Variants in EDARADD observed in about 807,000 individuals in gnomAD.
The protein encoded by EDARADD is EDAR associated via death domain, also known as ectodysplasin-A receptor-associated adapter protein.
Under a neutral mutation model 25.6 loss-of-function variants are expected in EDARADD, and 20 were observed. The ratio of observed to expected loss-of-function variants is 0.78; its 90% CI spans 0.55 to 1.14. The LOEUF (loss-of-function observed/expected upper bound fraction) is 1.14. Ranked by LOEUF, EDARADD falls within the 50% of genes most tolerant of loss-of-function variation. The pLI is 0.00. For synonymous variants in EDARADD, 86 were observed against 94.4 expected, an observed-to-expected ratio of 0.91 and a Z score of 0.52; for missense variants, 225 against 270.1, an observed-to-expected ratio of 0.83 and a Z score of 1.17.
chr1:236,390,172 GA>G (rs1327778709), upstream of EDARADD, among the ~76,000 whole-genome samples: 2 of 152,156 alleles, frequency 1.3e-5, no homozygotes, highest in African/African-American at 4.8e-5. Flanking sequence ...GGAAGAGTGG[GA>G]GGGGGCAAGG....
chr1:236,409,214 A>G lies in EDARADD; in HGVS notation c.62-2A>G. ...ATTTGTTTGTTTTTGTTCTTTTTACAGATCATATGGTAAAGGAACCAGTGG... is the reference window on the plus strand; with the variant it reads ...ATTTGTTTGTTTTTGTTCTTTTTACGGATCATATGGTAAAGGAACCAGTGG... On this transcript the variant is annotated splice_acceptor_variant, in intron 1 of 5. Coordinates refer to ENST00000334232, the MANE Select transcript of EDARADD (RefSeq NM_145861.4). LOFTEE classifies it high-confidence loss of function. The G allele has an allele frequency of 6.2e-7, 1 of 1,608,992 alleles. No individual in the cohort carries two copies. The highest frequency in any genetic ancestry group is 8.5e-7 in the Non-Finnish European group (1 of 1,177,680).
At chr1:236,437,620 G>A (rs650876) in intron 4 of EDARADD, among the ~76,000 whole-genome samples, 112,465 of 151,884 alleles carry the variant, frequency 0.74, 43,684 homozygotes, top group Non-Finnish European at 0.88. Flanking sequence ...AAATGTTGGT[G>A]TTGGTGTATT....
chr1:236,394,345 G>A lies in EDARADD; in HGVS notation c.-100G>A. 1.5e-6 allele frequency: 2 copies of A among 1,300,162 alleles called. No individual in the cohort carries two copies. Among genetic ancestry groups the A allele is most frequent in the Non-Finnish European group, 1.1e-6 (1 of 897,840 alleles). 80.5% of individuals were successfully genotyped at this position (1,300,162 alleles called of 1,614,324 possible). ...TTCCCCAGAGAGCTTTCATCTAGAA[G>A]GTTTGACTCTGGCCAGACAACCAGC... is the stretch of plus-strand genomic sequence containing the variant. On this transcript the variant is annotated 5_prime_UTR_variant, in exon 1 of 6. Coordinates refer to ENST00000334232, the MANE Select transcript of EDARADD (RefSeq NM_145861.4).
chr1:236,366,148 C>T (rs926654388), intron 3 of EDARADD, among the ~76,000 whole-genome samples: 2 of 152,182 alleles, frequency 1.3e-5, no homozygotes, highest in Admixed American at 1.3e-4. Flanking sequence ...TCTTCGCATG[C>T]CTGGAAATCT....
At chr1:236,385,408 CAAAAA>C (rs1164948283) in intron 3 of EDARADD, among the ~76,000 whole-genome samples, 2 of 35,368 alleles carry the variant, frequency 5.7e-5, no homozygotes, top group Non-Finnish European at 1.2e-4. Flanking sequence ...GACTCCATCT[CAAAAA>C]AAAAAAAAAA....
rs376427637 is a variant in EDARADD at position 236,435,913 on chromosome 1, G to T, written c.219+8463G>T. Among the ~76,000 whole-genome samples the T allele has an allele frequency of 6.6e-5, 10 of 152,202 alleles. No individual in the cohort carries two copies. The South Asian group carries it at 8.3e-4, about 13-fold the overall frequency. On this transcript the variant is annotated intron_variant, in intron 4 of 5. Coordinates refer to ENST00000334232, the MANE Select transcript of EDARADD (RefSeq NM_145861.4). ...CACACAGCACTAGATTTTCCTCAAG[G>T]AATCTGTAAGCTGGCAAGGAAGTCA...
intron 4 of EDARADD, among the ~76,000 whole-genome samples, chr1:236,456,610 C>G (rs56212991): frequency 0.36 from 54,933 of 151,710 alleles, 12,286 homozygotes; most frequent in African/African-American, 0.61. Flanking sequence ...GCGTGTGCCT[C>G]TGCCACCACA....
intron 3 of EDARADD, among the ~76,000 whole-genome samples, chr1:236,357,178 T>TGTCACA (rs1666989086): frequency 1.3e-5 from 2 of 152,208 alleles, no homozygotes; most frequent in Non-Finnish European, 2.9e-5. Flanking sequence ...TTTCTAATAT[T>TGTCACA]CTGTGTGACA....
Position 236,482,662 on chromosome 1 carries a change from T to C in EDARADD, c.*13T>C, listed in dbSNP as rs1052073187. On this transcript the variant is annotated 3_prime_UTR_variant, in exon 6 of 6. Transcript: ENST00000334232. ...CAGGCACTTCTAGAGCTCTTCTTCT[T>C]CCTTCATTGGCCTCTCCGGATGTTG... is the stretch of plus-strand genomic sequence containing the variant. 2 of 1,611,178 alleles carry C rather than the reference T, an allele frequency of 1.2e-6. No individual in the cohort carries two copies. The highest frequency in any genetic ancestry group is 1.7e-6 in the Non-Finnish European group (2 of 1,180,010).
intron 3 of EDARADD, among the ~76,000 whole-genome samples, chr1:236,351,634 C>G (rs917800957): frequency 6.6e-6 from 1 of 151,404 alleles, no homozygotes; most frequent in African/African-American, 2.4e-5. Context: ...CGCTTGAACC[C>G]AGGAGGCAGA....
intron 3 of EDARADD, among the ~76,000 whole-genome samples, chr1:236,379,091 C>T (rs977692907): frequency 1.6e-4 from 24 of 152,098 alleles, no homozygotes; most frequent in African/African-American, 1.7e-4. Flanking sequence ...TAAAGTCAGT[C>T]GGGCGCGGTG....
chr1:236,358,090 C>G (rs1667002958), intron 3 of EDARADD, among the ~76,000 whole-genome samples: 1 of 152,150 alleles, frequency 6.6e-6, no homozygotes, highest in African/African-American at 2.4e-5. Context: ...AGGCTGGTCT[C>G]AAACTCCTGA....
chr1:236,427,711 TAGAA>T (rs1268437366), intron 4 of EDARADD, among the ~76,000 whole-genome samples: 1 of 152,164 alleles, frequency 6.6e-6, no homozygotes, highest in Non-Finnish European at 1.5e-5. Flanking sequence ...GCTGGTGAGT[TAGAA>T]AGGAGAGTTG....
chr1:236,366,378 G>A (rs1667112415), intron 3 of EDARADD, among the ~76,000 whole-genome samples: 2 of 152,202 alleles, frequency 1.3e-5, no homozygotes, highest in Non-Finnish European at 2.9e-5. Context: ...AATGCCCTGT[G>A]AATTATGAGT....
chr1:236,441,510 T>C (rs181573913), intron 4 of EDARADD, among the ~76,000 whole-genome samples: 1 of 146,740 alleles, frequency 6.8e-6, no homozygotes, highest in Admixed American at 6.9e-5. Flanking sequence ...ATATGTAATA[T>C]AATATTTATA....
rs199841789 is a variant in EDARADD, at chr1:236,371,569, ATT to A, written c.-6+20746_-6+20747del. 6.7e-3 allele frequency among the ~76,000 whole-genome samples: 930 copies of A among 138,266 alleles called. 8 individuals are homozygous for A. The highest frequency in any genetic ancestry group is 0.023 in the African/African-American group (859 of 37,804). 90.7% of individuals were successfully genotyped at this position (138,266 alleles called of 152,430 possible). A position where few individuals can be genotyped will look rare whatever the true frequency, so the allele number is the denominator to read the frequency against. Reference sequence around the variant, plus strand: ...GATGTTGGCTGTAGGTTTTATTAAGATTTTTTTTTTTTTTTTTGAGATGGAGT... The same window carrying A: ...GATGTTGGCTGTAGGTTTTATTAAGATTTTTTTTTTTTTTTGAGATGGAGT... On this transcript the variant is annotated intron_variant, in intron 3 of 7. Transcript: ENST00000439430.
chr1:236,425,981 A>AT (rs1315071130), intron 3 of EDARADD, among the ~76,000 whole-genome samples: 5 of 141,342 alleles, frequency 3.5e-5, no homozygotes, highest in East Asian at 2.0e-4. Context: ...TTTTTTTTTT[A>AT]TTTTTTTATT....
At chr1:236,414,417 T>G in intron 3 of EDARADD, 118 bp downstream of exon 3, 1 of 785,890 alleles carries the variant, frequency 1.3e-6, no homozygotes, top group South Asian at 1.7e-5. Flanking sequence ...GCCCATAGAT[T>G]AGCTCGTGAC....
intron 1 of EDARADD, among the ~76,000 whole-genome samples, chr1:236,408,748 TTTTC>T (rs898303491): frequency 1.3e-5 from 2 of 151,518 alleles, no homozygotes; most frequent in South Asian, 4.2e-4. Context: ...CCTATTTCTT[TTTTC>T]TTTCTTTCTT....
Sources: gnomAD v4.1 joint callset for allele counts (sites outside exome capture counted in the v4.1 genomes callset) on GRCh38, gnomAD v4.1.1 for gene constraint, MANE v1.5 for transcripts, NCBI Gene and HGNC (gene_info 2026-07-23, HGNC 2026-07-21) for gene names.